Variants in PIAS2 observed in about 807,000 individuals in gnomAD.
PIAS2 encodes the protein protein inhibitor of activated STAT 2, also known as E3 SUMO-protein ligase PIAS2.
Under a neutral mutation model 69.7 loss-of-function variants are expected in PIAS2, and 19 were observed. The ratio of observed to expected loss-of-function variants is 0.27; its 90% CI spans 0.19 to 0.40. PIAS2 has a LOEUF of 0.40. PIAS2 is among the 10% of genes least tolerant of loss of function. PIAS2 has a pLI of 1.00. For synonymous variants in PIAS2, 261 were observed against 263.2 expected (o/e 0.99, Z 0.08); for missense variants, 624 against 757.0 (o/e 0.82, Z 2.06).
At chr18:46,869,102 G>A (rs1215667009) in intron 2 of PIAS2, among the ~76,000 whole-genome samples, 1 of 152,214 alleles carries the variant, frequency 6.6e-6, no homozygotes, top group Non-Finnish European at 1.5e-5. Flanking sequence ...CGTGGAGTCT[G>A]GATCTGCAGT....
intron 12 of PIAS2, chr18:46,817,729 A>G: frequency 1.1e-6 from 1 of 935,046 alleles, no homozygotes; most frequent in Non-Finnish European, 1.3e-6. Context: ...TTTAATGTAA[A>G]TATTTCTCTC....
At position 46,856,978 on chromosome 18, in the gene PIAS2, A is replaced by T. The variant is rs80197386; in HGVS notation, c.585-1363T>A. ...AACCATTCTGTGCCTCAGTTTCTACATCTGTTAAAGATGGAAAATTACTGC... is the reference window on the plus strand; with the variant it reads ...AACCATTCTGTGCCTCAGTTTCTACTTCTGTTAAAGATGGAAAATTACTGC... On this transcript the variant is annotated intron_variant, in intron 3 of 13. Coordinates refer to ENST00000585916, the MANE Select transcript of PIAS2 (RefSeq NM_004671.5). 6.5e-4 allele frequency among the ~76,000 whole-genome samples: 99 copies of T among 152,362 alleles called. 1 individual carries two copies. In the East Asian group the frequency reaches 0.017, roughly 26 times the overall value.
At chr18:46,893,614 G>A (rs16940135) in intron 1 of PIAS2, 1,985 of 167,940 alleles carry the variant, frequency 0.012, 138 homozygotes, top group Admixed American at 0.12. Context: ...CTGAACAGCA[G>A]ATGGGACAGT....
intron 1 of PIAS2, chr18:46,916,790 A>T: frequency 4.1e-6 from 4 of 983,770 alleles, no homozygotes; most frequent in Non-Finnish European, 3.6e-6. Context: ...AGATGTTAGG[A>T]GGCAAGGGTG....
chr18:46,897,442 C>G (rs2055073060), intron 1 of PIAS2, among the ~76,000 whole-genome samples: 1 of 152,100 alleles, frequency 6.6e-6, no homozygotes, highest in Non-Finnish European at 1.5e-5. Flanking sequence ...AAAATTTGAG[C>G]ATCAAAAAGA....
chr18:46,896,792 T>C (rs2054958171), intron 1 of PIAS2, among the ~76,000 whole-genome samples: 1 of 152,228 alleles, frequency 6.6e-6, no homozygotes. Flanking sequence ...CCTGTGAGTG[T>C]AGACATAAAA....
intron 2 of PIAS2, among the ~76,000 whole-genome samples, chr18:46,883,611 G>C (rs2052654587): frequency 6.6e-6 from 1 of 152,094 alleles, no homozygotes; most frequent in South Asian, 2.1e-4. Flanking sequence ...AGCTGAGGCA[G>C]GCAGCTCTCT....
At chr18:46,819,427 A>T (rs1414650659) in intron 12 of PIAS2, among the ~76,000 whole-genome samples, 4 of 152,166 alleles carry the variant, frequency 2.6e-5, no homozygotes, top group Non-Finnish European at 5.9e-5. Flanking sequence ...CATGTGGAGT[A>T]ACTATATCTA....
intron 2 of PIAS2, among the ~76,000 whole-genome samples, chr18:46,875,001 C>T (rs754034082): frequency 7.2e-5 from 11 of 152,090 alleles, no homozygotes; most frequent in Non-Finnish European, 7.4e-5. Flanking sequence ...AAAAATGAGC[C>T]GTCACCCCAG....
intron 9 of PIAS2, among the ~76,000 whole-genome samples, chr18:46,831,930 T>C (rs1422708835): frequency 6.6e-6 from 1 of 152,210 alleles, no homozygotes; most frequent in African/African-American, 2.4e-5. Context: ...GCACAATCTT[T>C]CATAAAAGAA....
chr18:46,878,352 TA>T (rs1367480386), intron 2 of PIAS2, among the ~76,000 whole-genome samples: 12 of 152,212 alleles, frequency 7.9e-5, no homozygotes, highest in Non-Finnish European at 1.5e-5. Context: ...CTTTTTAAGA[TA>T]CCAAAATTTC....
At chr18:46,834,851 T>C (rs1158875001) in intron 9 of PIAS2, among the ~76,000 whole-genome samples, 3 of 152,256 alleles carry the variant, frequency 2.0e-5, no homozygotes, top group Non-Finnish European at 4.4e-5. Context: ...ATGTTATGCC[T>C]GTTGGCATGA....
chr18:46,807,535 G>C lies in PIAS2; in HGVS notation c.*4898C>G, dbSNP rs974756314. On this transcript the variant is annotated 3_prime_UTR_variant, in exon 14 of 14. Transcript: ENST00000585916. ...GTCTCCCAAGTAGCTGGGACTACAG[G>C]CGCCTGCCATCACACCCACCTAATT... 1 of 150,328 alleles carries C rather than the reference G, an allele frequency of 6.7e-6. No homozygotes were observed. Among genetic ancestry groups the C allele is most frequent in the African/African-American group, 2.5e-5 (1 of 40,670 alleles). 9.3% of individuals were successfully genotyped at this position (150,328 alleles called of 1,614,324 possible). A position where few individuals can be genotyped will look rare whatever the true frequency, so the allele number is the denominator to read the frequency against.
intron 1 of PIAS2, chr18:46,905,662 T>C (rs982832380): frequency 6.6e-6 from 1 of 151,980 alleles, no homozygotes; most frequent in Non-Finnish European, 1.5e-5. Context: ...AAAGAAGAGA[T>C]TAACAACTAA....
chr18:46,845,401 T>G (rs976325668), intron 6 of PIAS2, among the ~76,000 whole-genome samples: 1 of 152,296 alleles, frequency 6.6e-6, no homozygotes, highest in African/African-American at 2.4e-5. Context: ...AGGTATCAGC[T>G]TTCTTCTGAG....
At chr18:46,836,562 T>C (rs751433523) in intron 8 of PIAS2, 45 bp from the exon 9 acceptor site, 13 of 1,498,460 alleles carry the variant, frequency 8.7e-6, no homozygotes, top group Middle Eastern at 1.7e-4. Flanking sequence ...GAAAGGAGAA[T>C]GAGCTCAGAG....
intron 12 of PIAS2, chr18:46,817,749 AT>A (rs1439544345): frequency 1.1e-6 from 1 of 948,804 alleles, no homozygotes; most frequent in African/African-American, 1.8e-5. Context: ...CACTGAAACC[AT>A]TTTTTTCTCA....
chr18:46,840,068 G>C (rs1280028879), intron 8 of PIAS2, among the ~76,000 whole-genome samples: 1 of 152,070 alleles, frequency 6.6e-6, no homozygotes, highest in East Asian at 1.9e-4. Context: ...GGCTGAGGCA[G>C]GAGAATTGCT....
In PIAS2 at chr18:46,810,866, C is replaced by G. The variant is rs997392956; in HGVS notation, c.*1567G>C. ...ACCTGGGCACTTCAGTTTGAGAAAT[C>G]AATTGGTTGGACTGGCCATTAAAAA... On this transcript the variant is annotated 3_prime_UTR_variant, in exon 14 of 14. Transcript: ENST00000585916. 6.6e-6 allele frequency: 1 copy of G among 151,700 alleles called. No individual in the cohort carries two copies. Among genetic ancestry groups the G allele is most frequent in the African/African-American group, 2.4e-5 (1 of 41,276 alleles). The allele number at this position is 151,700 out of a possible 1,614,324, so 9.4% of individuals were successfully genotyped here.
Sources: allele counts gnomAD v4.1 joint callset (sites outside exome capture counted in the v4.1 genomes callset), GRCh38; gene constraint gnomAD v4.1.1; transcripts MANE v1.5; gene names NCBI Gene and HGNC (gene_info 2026-07-23, HGNC 2026-07-21).